CDH26: variants seen among roughly 807,000 people sequenced by gnomAD.
CDH26 encodes cadherin-like protein 26.
A neutral mutation model predicts 90.3 loss-of-function variants in CDH26; 83 were observed. The observed-to-expected ratio is 0.92, with a 90% confidence interval of 0.77 to 1.10. CDH26 has a LOEUF of 1.10. Ranked by LOEUF, CDH26 falls within the 50% of genes least tolerant of loss-of-function variation. The pLI is 0.00. For missense variants in CDH26, 1,013 were observed against 1,037.6 expected, an observed-to-expected ratio of 0.98 and a Z score of 0.33; for synonymous variants, 397 against 396.3, an observed-to-expected ratio of 1.00 and a Z score of -0.02.
chr20:60,029,213 A>C (rs2062021455), intron 7 of CDH26, among the ~76,000 whole-genome samples: 1 of 152,196 alleles, frequency 6.6e-6, no homozygotes, highest in African/African-American at 2.4e-5. Flanking sequence ...ACGGGTATAA[A>C]GTTACAGTTA....
chr20:59,969,476 A>C (rs971616829), intron 2 of CDH26, among the ~76,000 whole-genome samples: 1 of 152,224 alleles, frequency 6.6e-6, no homozygotes, highest in Non-Finnish European at 1.5e-5. Flanking sequence ...TTTTGTTGAT[A>C]AAATTAATGT....
intron 3 of CDH26, among the ~76,000 whole-genome samples, chr20:59,970,999 C>G (rs1309359082): frequency 6.6e-6 from 1 of 152,110 alleles, no homozygotes; most frequent in African/African-American, 2.4e-5. Flanking sequence ...TCCCTATTGC[C>G]TCCCTCATGC....
chr20:59,961,967 G>C (rs910320057), intron 1 of CDH26, among the ~76,000 whole-genome samples: 10 of 152,086 alleles, frequency 6.6e-5, no homozygotes, highest in African/African-American at 2.4e-4. Context: ...TACCAATCTG[G>C]GAAATTCTGA....
intron 5 of CDH26, among the ~76,000 whole-genome samples, chr20:59,983,713 C>T (rs565794960): frequency 6.6e-6 from 1 of 152,238 alleles, no homozygotes; most frequent in East Asian, 1.9e-4. Flanking sequence ...TGTATAATTA[C>T]AAATGCATAT....
chr20:60,028,407 G>A (rs2062015150), intron 7 of CDH26, among the ~76,000 whole-genome samples: 1 of 152,226 alleles, frequency 6.6e-6, no homozygotes, highest in African/African-American at 2.4e-5. Context: ...ACTGGTTGTG[G>A]CTGAATCCCC....
At chr20:60,006,025 C>T (rs2061744545) in intron 16 of CDH26, among the ~76,000 whole-genome samples, 1 of 152,204 alleles carries the variant, frequency 6.6e-6, no homozygotes, top group Non-Finnish European at 1.5e-5. Context: ...CTGAGAACTC[C>T]CTGCTCTCAA....
chr20:59,999,258 C>A (rs990203462), intron 13 of CDH26, among the ~76,000 whole-genome samples: 1 of 152,160 alleles, frequency 6.6e-6, no homozygotes, highest in South Asian at 2.1e-4. Flanking sequence ...ACCCCAAGAG[C>A]CATCACCATG....
Position 59,985,129 on chromosome 20 carries a change from C to G in CDH26, c.837C>G (p.Asn279Lys). 4 of 1,611,922 alleles carry G rather than the reference C, an allele frequency of 2.5e-6. No homozygotes were observed. The highest frequency in any genetic ancestry group is 3.4e-6 in the Non-Finnish European group (4 of 1,179,730). ...NNHRPAFTQE[N>K]YKVQIPEGRA... is the part of the protein sequence containing the mutation. ...ACAGGCCTGCATTTACCCAGGAGAA[C>G]GTGAGGCTCCTGGGCCGCCCCAACG... The change falls in exon 7 of 18, where the codon AAC becomes AAG. Residue 279 changes from asparagine to lysine, a missense_variant and splice_region_variant. Physicochemically the swap from Asn to Lys is moderately conservative, Grantham distance 94 (BLOSUM62 0). Coordinates refer to ENST00000348616, the MANE Select transcript of CDH26 (RefSeq NM_177980.4).
In CDH26 at chr20:59,995,981, G is replaced by C. The variant is rs201474768; in HGVS notation, c.1815G>C (p.Glu605Asp). ...CPCASGLTCV[E>D]LADAEVGLHV... Reference sequence around the variant, plus strand: ...GTGCCAGTGGGCTCACATGTGTGGAGCTTGCAGATGCAGAAGTGGGGCTTC... The same window carrying C: ...GTGCCAGTGGGCTCACATGTGTGGACCTTGCAGATGCAGAAGTGGGGCTTC... The change falls in exon 12 of 18, where the codon GAG becomes GAC. Residue 605 changes from glutamate to aspartate, a missense_variant. Coordinates refer to ENST00000348616, the MANE Select transcript of CDH26 (RefSeq NM_177980.4). The C allele has an allele frequency of 5.6e-6, 9 of 1,614,202 alleles. No homozygotes were observed. In the Admixed American group the frequency reaches 1.3e-4, roughly 24 times the overall value.
chr20:59,993,918 C>T (rs2145995434), intron 10 of CDH26, among the ~76,000 whole-genome samples: 1 of 152,160 alleles, frequency 6.6e-6, no homozygotes, highest in South Asian at 2.1e-4. Context: ...CCCATGGTGC[C>T]CTTCTTTAGT....
chr20:59,972,228 A>G (rs1053267058), intron 4 of CDH26, 105 bp downstream of exon 4: 10 of 1,044,756 alleles, frequency 9.6e-6, no homozygotes, highest in Middle Eastern at 2.1e-4. Context: ...GTTCCGGGAG[A>G]TTGAGAAATT....
intron 1 of CDH26, among the ~76,000 whole-genome samples, chr20:59,959,499 T>G (rs2061040121): frequency 6.6e-6 from 1 of 151,806 alleles, no homozygotes; most frequent in Non-Finnish European, 1.5e-5. Flanking sequence ...CCTACTGGGT[T>G]CAAGCAACCT....
intron 1 of CDH26, among the ~76,000 whole-genome samples, chr20:59,960,979 G>A (rs948285246): frequency 3.9e-5 from 6 of 152,252 alleles, no homozygotes; most frequent in Non-Finnish European, 8.8e-5. Context: ...AACCCTGTCT[G>A]AAAGTGGATA....
downstream of CDH26, among the ~76,000 whole-genome samples, chr20:60,017,576 T>C (rs534762690): frequency 6.6e-6 from 1 of 152,208 alleles, no homozygotes; most frequent in African/African-American, 2.4e-5. Flanking sequence ...ATTAACCTTT[T>C]GTATTGTTTT....
rs1420457253 is a variant in CDH26, at chr20:59,992,017, A to G, written c.1284-361A>G. Among the ~76,000 whole-genome samples, 2 of 152,204 alleles carry G rather than the reference A, an allele frequency of 1.3e-5. No individual in the cohort carries two copies. The highest frequency in any genetic ancestry group is 2.9e-5 in the Non-Finnish European group (2 of 68,032). On this transcript the variant is annotated intron_variant, in intron 9 of 17. Coordinates refer to ENST00000348616, the MANE Select transcript of CDH26 (RefSeq NM_177980.4). The surrounding 1 kb of genome is among the most constrained non-coding windows in gnomAD (Gnocchi z 5.0). ...AGTCCTAGGTTTCTGTTGCAAGGGC[A>G]GGTTGGTTTTTCACACTAAGCTAAC...
intron 4 of CDH26, among the ~76,000 whole-genome samples, chr20:59,972,729 ACTT>A (rs2061278021): frequency 6.6e-6 from 1 of 152,152 alleles, no homozygotes; most frequent in Non-Finnish European, 1.5e-5. Context: ...TTCTATTTTG[ACTT>A]CAGTGGAATG....
Position 59,959,257 on chromosome 20 carries a change from C to T in CDH26, c.69+462C>T, listed in dbSNP as rs568774308. Among the ~76,000 whole-genome samples, 16 of 152,182 alleles carry T rather than the reference C, an allele frequency of 1.1e-4. No individual in the cohort carries two copies. The South Asian group carries it at 2.7e-3, about 26-fold the overall frequency. ...CTGGGACTACAGTAACTTACCACCA[C>T]GCTGGCTAATTTCTGTATTTTTTAT... On this transcript the variant is annotated intron_variant, in intron 1 of 17. Transcript: ENST00000348616.
exon 9 of CDH26, chr20:60,033,645 G>A: frequency 3.1e-6 from 4 of 1,304,746 alleles, no homozygotes; most frequent in Non-Finnish European, 4.0e-6. Flanking sequence ...GAATCGGCAG[G>A]TGGTCACAAT....
chr20:60,005,507 T>TGTAG (rs1470685841), intron 16 of CDH26, among the ~76,000 whole-genome samples: 1 of 152,132 alleles, frequency 6.6e-6, no homozygotes, highest in East Asian at 1.9e-4. Context: ...TATGTATGTA[T>TGTAG]GTATGTATGT....
Sources: allele counts gnomAD v4.1 joint callset (sites outside exome capture counted in the v4.1 genomes callset), GRCh38; gene constraint gnomAD v4.1.1; non-coding constraint Gnocchi (gnomAD v3.1); transcripts MANE v1.5; gene names NCBI Gene and HGNC (gene_info 2026-07-23, HGNC 2026-07-21).